OPN5: variants seen among roughly 807,000 people sequenced by gnomAD.
OPN5 encodes opsin 5.
Under a neutral mutation model 41.7 loss-of-function variants are expected in OPN5, and 18 were observed. The ratio of observed to expected loss-of-function variants is 0.43; its 90% CI spans 0.30 to 0.64. OPN5 has a LOEUF of 0.64. OPN5 is among the 30% of genes least tolerant of loss of function. The pLI, the probability that OPN5 is intolerant of heterozygous loss-of-function variation, is 0.13. For synonymous variants in OPN5, 178 were observed against 164.3 expected, an observed-to-expected ratio of 1.08 and a Z score of -0.64; for missense variants, 318 against 434.5, an observed-to-expected ratio of 0.73 and a Z score of 2.38.
chr6:47,821,717 TAG>T (rs1309558215), intron 6 of OPN5, among the ~76,000 whole-genome samples: 4 of 152,214 alleles, frequency 2.6e-5, no homozygotes, highest in African/African-American at 9.7e-5. Context: ...GTACCTATAT[TAG>T]AGTTTCATGG....
chr6:47,822,187 A>G (rs1762647238), intron 6 of OPN5, among the ~76,000 whole-genome samples: 1 of 151,990 alleles, frequency 6.6e-6, no homozygotes, highest in Non-Finnish European at 1.5e-5. Flanking sequence ...GAAGCATTGA[A>G]GGATAGTTTT....
At chr6:47,793,497 G>A (rs983366162) in intron 3 of OPN5, among the ~76,000 whole-genome samples, 1 of 152,164 alleles carries the variant, frequency 6.6e-6, no homozygotes, top group African/African-American at 2.4e-5. Flanking sequence ...CCCATGTAAC[G>A]TGGTAAACTG....
chr6:47,800,062 TTTGCTTCTA>T (rs1773711251), intron 4 of OPN5, among the ~76,000 whole-genome samples: 1 of 152,324 alleles, frequency 6.6e-6, no homozygotes, highest in East Asian at 1.9e-4. Context: ...TTTAGGTACT[TTTGCTTCTA>T]AAAATCTTCA....
At chr6:47,782,523 C>T (rs138862890) in intron 1 of OPN5, among the ~76,000 whole-genome samples, 207 of 152,184 alleles carry the variant, frequency 1.4e-3, no homozygotes, top group African/African-American at 4.6e-3. Context: ...TTTATTTAAA[C>T]AGAGTGCTTT....
intron 2 of OPN5, chr6:47,786,972 AT>A (rs1773212447): frequency 2.8e-6 from 2 of 705,988 alleles, no homozygotes; most frequent in Admixed American, 1.1e-4. Flanking sequence ...CCAGGTCAGT[AT>A]TTTAAGCTTC....
intron 3 of OPN5, among the ~76,000 whole-genome samples, chr6:47,792,225 T>A (rs1773396524): frequency 6.6e-6 from 1 of 152,244 alleles, no homozygotes; most frequent in Non-Finnish European, 1.5e-5. Flanking sequence ...AAGTACCATT[T>A]TCTTGTATAG....
At chr6:47,792,963 C>T (rs1314787043) in intron 3 of OPN5, among the ~76,000 whole-genome samples, 3 of 143,260 alleles carry the variant, frequency 2.1e-5, no homozygotes, top group African/African-American at 5.1e-5. Context: ...GAGCCATTCT[C>T]TTCATCATCC....
intron 5 of OPN5, 92 bp downstream of exon 5, chr6:47,808,487 T>A: frequency 7.2e-7 from 1 of 1,389,214 alleles, no homozygotes; most frequent in Non-Finnish European, 1.0e-6. Context: ...CTTCTTAGGG[T>A]TAAAGCTCAT....
At chr6:47,811,597 T>G (rs1774206067) in intron 5 of OPN5, 77 bp from the exon 6 acceptor site, 1 of 798,886 alleles carries the variant, frequency 1.3e-6, no homozygotes. Flanking sequence ...CATATACATA[T>G]GTATGTATAT....
intron 6 of OPN5, among the ~76,000 whole-genome samples, chr6:47,812,034 A>G (rs1774226425): frequency 1.3e-5 from 2 of 152,092 alleles, no homozygotes; most frequent in African/African-American, 2.4e-5. Flanking sequence ...AAATGTTGAG[A>G]AGTTTTATAT....
chr6:47,788,787 T>C (rs1054017127), intron 2 of OPN5, among the ~76,000 whole-genome samples: 1 of 124,414 alleles, frequency 8.0e-6, no homozygotes, highest in African/African-American at 3.1e-5. Context: ...GATAAAGTCG[T>C]GTTATATTAG....
intron 4 of OPN5, among the ~76,000 whole-genome samples, chr6:47,806,955 C>T (rs1175918675): frequency 2.0e-5 from 3 of 152,236 alleles, no homozygotes; most frequent in African/African-American, 4.8e-5. Flanking sequence ...GTCGGGAGTT[C>T]GAGACCAGCC....
chr6:47,807,016 G>T (rs543606430), intron 4 of OPN5, among the ~76,000 whole-genome samples: 5 of 152,166 alleles, frequency 3.3e-5, no homozygotes, highest in East Asian at 3.8e-4. Context: ...AATTAGCCAG[G>T]CATGGTGGTG....
Position 47,808,448 on chromosome 6 carries a change from G to A in OPN5, c.998+53G>A, listed in dbSNP as rs556735812. 7 of 1,602,096 alleles carry A rather than the reference G, an allele frequency of 4.4e-6. No individual in the cohort carries two copies. In the African/African-American group the frequency reaches 5.4e-5, roughly 12 times the overall value. On this transcript the variant is annotated intron_variant, in intron 5 of 6. Transcript: ENST00000371211. ...TACACTCTCTTTGTTTCAAAATCCGGCAGGGTTCAAGGTACTCAGATGTGC... is the reference window on the plus strand; with the variant it reads ...TACACTCTCTTTGTTTCAAAATCCGACAGGGTTCAAGGTACTCAGATGTGC...
At chr6:47,786,715 C>T (rs918092462) in intron 2 of OPN5, 81 bp downstream of exon 2, 1 of 1,207,950 alleles carries the variant, frequency 8.3e-7, no homozygotes. Flanking sequence ...AACGTCACCC[C>T]CTGACATCTC....
At chr6:47,817,512 A>G (rs1439665951) in intron 6 of OPN5, among the ~76,000 whole-genome samples, 3 of 152,060 alleles carry the variant, frequency 2.0e-5, no homozygotes, top group Non-Finnish European at 4.4e-5. Flanking sequence ...GGTGGTTTAA[A>G]TCCTTGTTAC....
At chr6:47,813,068 A>AAACAAC (rs70999651) in intron 6 of OPN5, among the ~76,000 whole-genome samples, 3,270 of 139,142 alleles carry the variant, frequency 0.024, 57 homozygotes, top group African/African-American at 0.04. Context: ...TCTATGATTA[A>AAACAAC]AACAACAACA....
intron 5 of OPN5, among the ~76,000 whole-genome samples, chr6:47,809,348 G>A (rs950807698): frequency 6.6e-6 from 1 of 152,222 alleles, no homozygotes; most frequent in Non-Finnish European, 1.5e-5. Flanking sequence ...AACTAGCTAT[G>A]AGAAGATGTG....
chr6:47,818,174 T>C (rs548854198), intron 6 of OPN5, among the ~76,000 whole-genome samples: 2 of 152,178 alleles, frequency 1.3e-5, no homozygotes, highest in South Asian at 4.1e-4. Context: ...TCCAAATGAA[T>C]AAAATGAACA....
Sources: gnomAD v4.1 joint callset for allele counts (sites outside exome capture counted in the v4.1 genomes callset) on GRCh38, gnomAD v4.1.1 for gene constraint, MANE v1.5 for transcripts, NCBI Gene and HGNC (gene_info 2026-07-23, HGNC 2026-07-21) for gene names.